TGFA: variants seen among roughly 807,000 people sequenced by gnomAD.
TGFA encodes the protein transforming growth factor alpha, also known as protransforming growth factor alpha.
A neutral mutation model predicts 21.7 loss-of-function variants in TGFA; 12 were observed. The ratio of observed to expected loss-of-function variants is 0.55; its 90% confidence interval spans 0.35 to 0.90. The LOEUF (loss-of-function observed/expected upper bound fraction) is 0.90, where lower values mean the gene tolerates loss of function less well. Among genes scored for constraint, TGFA ranks in the 40% least tolerant of loss-of-function variants. The probability of loss-of-function intolerance (pLI) is 0.01; values close to 1 mark genes in which losing one functional copy is unlikely to be tolerated. For missense variants in TGFA, 178 were observed against 210.8 expected, an observed-to-expected ratio of 0.84 and a Z score of 0.96; for synonymous variants, 79 against 88.1, an observed-to-expected ratio of 0.90 and a Z score of 0.58.
At chr2:70,463,077 G>T (rs1224311223) in intron 3 of TGFA, among the ~76,000 whole-genome samples, 1 of 152,058 alleles carries the variant, frequency 6.6e-6, no homozygotes, top group African/African-American at 2.4e-5. Context: ...CATGGGTTCT[G>T]GTGCTGGAAT....
rs1274558738 is a variant in TGFA, at chr2:70,502,022, C to T, written c.94+12837G>A. ...GCAGGTTCTGGGCACTTGCAGGGAG[C>T]TGAGACCTTCCTTTGCCTTCCTCTT... is the stretch of plus-strand genomic sequence containing the variant. On this transcript the variant is annotated intron_variant, in intron 2 of 5. Transcript: ENST00000295400. Among the ~76,000 whole-genome samples, 4 of 152,374 alleles carry T rather than the reference C, an allele frequency of 2.6e-5. No individual in the cohort carries two copies. The East Asian group carries it at 7.7e-4, about 29-fold the overall frequency.
intron 2 of TGFA, among the ~76,000 whole-genome samples, chr2:70,490,427 T>C (rs1404523647): frequency 6.6e-6 from 1 of 152,250 alleles, no homozygotes; most frequent in African/African-American, 2.4e-5. Flanking sequence ...GCTTCAGCCT[T>C]AGCACAATTT....
At chr2:70,467,975 C>T (rs1310498938) in intron 2 of TGFA, among the ~76,000 whole-genome samples, 5 of 152,192 alleles carry the variant, frequency 3.3e-5, no homozygotes, top group Non-Finnish European at 2.9e-5. Context: ...CTCTCCTAGC[C>T]TGCCTCTGCA....
chr2:70,474,841 C>A (rs1553493873), intron 2 of TGFA, among the ~76,000 whole-genome samples: 1 of 152,196 alleles, frequency 6.6e-6, no homozygotes, highest in African/African-American at 2.4e-5. Context: ...GACCATTTCT[C>A]CCTTTGGGAA....
At chr2:70,509,498 C>T (rs1258214130) in intron 2 of TGFA, among the ~76,000 whole-genome samples, 2 of 152,196 alleles carry the variant, frequency 1.3e-5, no homozygotes, top group Non-Finnish European at 2.9e-5. Context: ...ATAATGGTGA[C>T]ATTCCCCATG....
At chr2:70,550,455 AAATTAAAT>A (rs1246346109) in intron 1 of TGFA, among the ~76,000 whole-genome samples, 93 of 152,056 alleles carry the variant, frequency 6.1e-4, no homozygotes, top group African/African-American at 2.2e-3. Context: ...TTTGCATAAA[AAATTAAAT>A]AATTAAATAA....
intron 1 of TGFA, among the ~76,000 whole-genome samples, chr2:70,538,531 A>G (rs1392429055): frequency 5.9e-5 from 9 of 152,206 alleles, no homozygotes; most frequent in African/African-American, 2.2e-4. Context: ...GTTGATTCCA[A>G]CCCTGATGAC....
rs144949974 is a variant in TGFA, at chr2:70,471,322, G to A, written c.95-5586C>T. The stretch of plus-strand genomic sequence containing the variant: ...TGTGATTCACACTTGAGACCTAAGT[G>A]GACAGGGAGGAGTGGGTCAAACCAC... On this transcript the variant is annotated intron_variant, in intron 2 of 5. Transcript: ENST00000295400. 6.3e-3 allele frequency among the ~76,000 whole-genome samples: 956 copies of A among 152,264 alleles called. 9 individuals carry two copies. Among genetic ancestry groups the A allele is most frequent in the African/African-American group, 0.022 (916 of 41,552 alleles).
chr2:70,452,838 G>C (rs542685105), intron 5 of TGFA, among the ~76,000 whole-genome samples: 1 of 152,308 alleles, frequency 6.6e-6, no homozygotes, highest in East Asian at 1.9e-4. Flanking sequence ...AGCTACTCGA[G>C]AGGCTGAGGC....
intron 1 of TGFA, 69 bp from the exon 2 acceptor site, chr2:70,514,981 A>G: frequency 1.4e-6 from 2 of 1,472,756 alleles, no homozygotes; most frequent in Non-Finnish European, 1.9e-6. Flanking sequence ...AGACGCTTAG[A>G]GGGCAGGCCC....
intron 4 of TGFA, among the ~76,000 whole-genome samples, chr2:70,454,939 G>A (rs1314944529): frequency 6.6e-6 from 1 of 152,204 alleles, no homozygotes; most frequent in Non-Finnish European, 1.5e-5. Flanking sequence ...TGACCCTCCT[G>A]GCCATAGACA....
At chr2:70,547,718 T>C (rs1288256816) in intron 1 of TGFA, among the ~76,000 whole-genome samples, 1 of 148,020 alleles carries the variant, frequency 6.8e-6, no homozygotes, top group Non-Finnish European at 1.5e-5. Flanking sequence ...GATAGTATAC[T>C]ATCTATACTT....
At position 70,453,304 on chromosome 2, in the gene TGFA, CAG is replaced by C. The variant is rs1559095711; in HGVS notation, c.387_388del (p.His129GlnfsTer2). 2 of 1,613,888 alleles carry C rather than the reference CAG, an allele frequency of 1.2e-6. No homozygotes were observed. The highest frequency in any genetic ancestry group is 1.1e-5 in the South Asian group (1 of 91,068). ...GCAGATGAGGGCCCGGCACCACTCA[CAG>C]TGTTTTCGGACCTGGCAGCAGCTGC... is the stretch of plus-strand genomic sequence containing the variant. On this transcript the variant is annotated frameshift_variant, in exon 5 of 6. Transcript: ENST00000295400. LOFTEE classifies it high-confidence loss of function.
intron 1 of TGFA, chr2:70,553,161 C>A: frequency 6.5e-7 from 1 of 1,535,706 alleles, no homozygotes; most frequent in Non-Finnish European, 8.7e-7. Context: ...AACCATTAAT[C>A]CGCCCAAAAA....
At chr2:70,484,245 A>G (rs1290281790) in intron 2 of TGFA, among the ~76,000 whole-genome samples, 1 of 152,240 alleles carries the variant, frequency 6.6e-6, no homozygotes, top group Non-Finnish European at 1.5e-5. Context: ...AAGTATGTAA[A>G]GAATTCTTCA....
chr2:70,486,613 T>C lies in TGFA; in HGVS notation c.95-20877A>G, dbSNP rs118053895. On this transcript the variant is annotated intron_variant, in intron 2 of 5. Coordinates refer to ENST00000295400, the MANE Select transcript of TGFA (RefSeq NM_003236.4). ...AGTAGCTGGGACTACAGGTGCGCGC[T>C]ACCACACCAGGCTACTTTTTGTGTT... is the stretch of plus-strand genomic sequence containing the variant. 9.8e-4 allele frequency among the ~76,000 whole-genome samples: 149 copies of C among 151,932 alleles called. 1 individual carries two copies. In the East Asian group the frequency reaches 0.02, roughly 20 times the overall value.
intron 4 of TGFA, 35 bp from the exon 5 acceptor site, chr2:70,453,362 G>A: frequency 6.3e-7 from 1 of 1,596,956 alleles, no homozygotes; most frequent in Non-Finnish European, 8.6e-7. Context: ...CTGGGCAGGA[G>A]CCTGGTAGGA....
intron 5 of TGFA, among the ~76,000 whole-genome samples, 175 bp from the exon 6 acceptor site, chr2:70,451,041 C>A (rs3732249): frequency 0.27 from 41,601 of 151,820 alleles, 5,834 homozygotes; most frequent in African/African-American, 0.3. Flanking sequence ...AACCTCTGAC[C>A]TAGTACTTTC....
At chr2:70,515,389 T>TG (rs1553501476) in intron 1 of TGFA, among the ~76,000 whole-genome samples, 3 of 152,138 alleles carry the variant, frequency 2.0e-5, no homozygotes. Context: ...ACCCACAGGT[T>TG]GAGTGCAGCC....
Sources: allele counts gnomAD v4.1 joint callset (sites outside exome capture counted in the v4.1 genomes callset), GRCh38; gene constraint gnomAD v4.1.1; transcripts MANE v1.5; gene names NCBI Gene and HGNC (gene_info 2026-07-23, HGNC 2026-07-21).